The following ORC6 variants were observed in gnomAD, a reference collection of about 807,000 sequenced individuals.
ORC6 encodes the protein origin recognition complex subunit 6.
ORC6 carries 31 observed loss-of-function variants against 30.0 expected under a neutral mutation model. That is an observed-to-expected ratio of 1.03 (90% CI 0.78 to 1.40). The LOEUF (loss-of-function observed/expected upper bound fraction) is 1.40, where lower values mean the gene tolerates loss of function less well. ORC6 is among the 40% of genes most tolerant of loss of function. The probability of loss-of-function intolerance (pLI) is 0.00; values close to 1 mark genes in which losing one functional copy is unlikely to be tolerated. For missense variants in ORC6, 340 were observed against 304.3 expected, an observed-to-expected ratio of 1.12 and a Z score of -0.87; for synonymous variants, 136 against 111.2, an observed-to-expected ratio of 1.22 and a Z score of -1.40.
intron 3 of ORC6, 108 bp downstream of exon 3, chr16:46,692,653 T>C: frequency 1.1e-6 from 1 of 919,412 alleles, no homozygotes; most frequent in East Asian, 2.6e-5. Context: ...GTGGATCATG[T>C]GGTCAGGAGT....
intron 5 of ORC6, 45 bp downstream of exon 5, chr16:46,695,719 C>T: frequency 7.8e-7 from 1 of 1,285,584 alleles, no homozygotes; most frequent in Non-Finnish European, 1.1e-6. Context: ...AAAATGTAGT[C>T]CTTTTGCTTG....
intron 3 of ORC6, 53 bp downstream of exon 3, chr16:46,692,598 G>C (rs1966459053): frequency 1.3e-6 from 2 of 1,514,508 alleles, no homozygotes; most frequent in African/African-American, 1.4e-5. Flanking sequence ...GGCCGGGCGT[G>C]GTGGCTCACG....
Position 46,696,052 on chromosome 16 carries a change from A to G in ORC6, c.598A>G (p.Arg200Gly). 2.5e-6 allele frequency: 4 copies of G among 1,613,706 alleles called. No homozygotes were observed. The highest frequency in any genetic ancestry group is 3.4e-6 in the Non-Finnish European group (4 of 1,179,534). The change falls in exon 6 of 7, where the codon AGA becomes GGA. Residue 200 changes from arginine (R) to glycine (G), a missense_variant. Physicochemically the swap from Arg to Gly is moderately radical, Grantham distance 125. Transcript: ENST00000219097. The part of the protein sequence containing the change: ...PGDVATPPRK[R>G]KKIVVEAPAK... Reference sequence around the variant, plus strand: ...AGATGTAGCTACTCCACCACGGAAGAGAAAGAAGATAGTGGTTGAAGCCCC... The same window carrying G: ...AGATGTAGCTACTCCACCACGGAAGGGAAAGAAGATAGTGGTTGAAGCCCC...
chr16:46,692,280 T>C, intron 2 of ORC6, 102 bp from the exon 3 acceptor site: 1 of 1,011,850 alleles, frequency 9.9e-7, no homozygotes, highest in South Asian at 1.3e-5. Context: ...GCCACAAAAT[T>C]AATTTTGAAA....
In ORC6 at chr16:46,689,785, G is replaced by C. The variant is rs766015460; in HGVS notation, c.65+15G>C. 3 of 1,582,130 alleles carry C rather than the reference G, an allele frequency of 1.9e-6. No homozygotes were observed. Among genetic ancestry groups the C allele is most frequent in the Admixed American group, 1.8e-5 (1 of 55,894 alleles). On this transcript the variant is annotated intron_variant, in intron 1 of 6. Coordinates refer to ENST00000219097, the MANE Select transcript of ORC6 (RefSeq NM_014321.4). ...GACATGCTGAGGTGAGTTCGGCCGC[G>C]CAAGACCAGGGCTGGGCTTCCGCCT... is the stretch of plus-strand genomic sequence containing the variant.
rs1966546400 is a variant in ORC6 at position 46,698,330 on chromosome 16, A to G, written c.*745A>G. Reference sequence around the variant, plus strand: ...TTTTACTTCAATTTTTGTGTACGGTATTTTTTATTTGACTAAATCAATATA... The same window carrying G: ...TTTTACTTCAATTTTTGTGTACGGTGTTTTTTATTTGACTAAATCAATATA... On this transcript the variant is annotated 3_prime_UTR_variant, in exon 7 of 7. Coordinates refer to ENST00000219097, the MANE Select transcript of ORC6 (RefSeq NM_014321.4). 1 of 444,670 alleles carries G rather than the reference A, an allele frequency of 2.2e-6. No homozygotes were observed. The highest frequency in any genetic ancestry group is 2.4e-5 in the Admixed American group (1 of 41,114). The allele number at this position is 444,670 out of a possible 1,614,324, so 27.5% of individuals were successfully genotyped here. A position where few individuals can be genotyped will look rare whatever the true frequency, so the allele number is the denominator to read the frequency against.
intron 3 of ORC6, 39 bp from the exon 4 acceptor site, chr16:46,693,054 A>G (rs1277291858): frequency 7.5e-7 from 1 of 1,327,042 alleles, no homozygotes; most frequent in Non-Finnish European, 1.1e-6. Flanking sequence ...TTCAAATAAT[A>G]TTTTCTAACA....
Position 46,695,694 on chromosome 16 carries a change from A to C in ORC6, c.562+20A>C. The C allele has an allele frequency of 7.0e-7, 1 of 1,422,680 alleles. No homozygotes were observed. The allele number at this position is 1,422,680 out of a possible 1,614,324, so 88.1% of individuals were successfully genotyped here. On this transcript the variant is annotated intron_variant, in intron 5 of 6. Transcript: ENST00000219097. ...TCGACAGTAAGTATTCTGTAGTTCA[A>C]GAATGCGTCATTTGAAAATGTAGTC... is the stretch of plus-strand genomic sequence containing the variant.
At chr16:46,694,521 C>T (rs1357588560) in intron 4 of ORC6, 3 of 135,538 alleles carry the variant, frequency 2.2e-5, no homozygotes, top group East Asian at 2.4e-4. Context: ...CTGGACGGGG[C>T]GGCTGGCCGG....
rs1465248643 is a variant in ORC6 at position 46,690,976 on chromosome 16, TGCCCTTTTAACCAGGAAA to T, written c.66-12_71del. 1 of 1,614,128 alleles carries T rather than the reference TGCCCTTTTAACCAGGAAA, an allele frequency of 6.2e-7. No homozygotes were observed. Among genetic ancestry groups the T allele is most frequent in the Admixed American group, 1.7e-5 (1 of 60,028 alleles). ...TCTGAATAAGTTGTAGCGAACACACTGCCCTTTTAACCAGGAAAGCAGAGGAGTACTTGCGCCTGTCCC... is the reference window on the plus strand; with the variant it reads ...TCTGAATAAGTTGTAGCGAACACACTGCAGAGGAGTACTTGCGCCTGTCCC... On this transcript the variant is annotated splice_acceptor_variant and splice_polypyrimidine_tract_variant and coding_sequence_variant and intron_variant, in exon 2 of 7. Transcript: ENST00000219097. LOFTEE classifies it high-confidence loss of function.
chr16:46,692,590 C>T, intron 3 of ORC6, 45 bp downstream of exon 3: 1 of 1,558,484 alleles, frequency 6.4e-7, no homozygotes, highest in Non-Finnish European at 8.8e-7. Flanking sequence ...TACCAATAGG[C>T]CGGGCGTGGT....
chr16:46,696,198 A>T, intron 6 of ORC6, 113 bp downstream of exon 6: 1 of 753,522 alleles, frequency 1.3e-6, no homozygotes, highest in South Asian at 1.4e-5. Flanking sequence ...CTGACTGTGA[A>T]TCATTTGATA....
Position 46,695,656 on chromosome 16 carries a change from A to C in ORC6, c.544A>C (p.Ile182Leu). The change falls in exon 5 of 7, where the codon ATT becomes CTT. Residue 182 changes from isoleucine to leucine, a missense_variant. Coordinates refer to ENST00000219097, the MANE Select transcript of ORC6 (RefSeq NM_014321.4). The part of the protein sequence containing the change: ...FDRLCKQLEK[I>L]GQQVDREPGD... ...TCGACTGTGTAAACAACTAGAGAAG[A>C]TTGGACAGCAGGTCGACAGTAAGTA... 1 of 1,604,034 alleles carries C rather than the reference A, an allele frequency of 6.2e-7. No individual in the cohort carries two copies. The highest frequency in any genetic ancestry group is 8.5e-7 in the Non-Finnish European group (1 of 1,170,832).
In ORC6 at chr16:46,698,160, T is replaced by TATAGATAG. The variant is rs568119196; in HGVS notation, c.*590_*597dup. The TATAGATAG allele has an allele frequency of 5.4e-6, 2 of 368,880 alleles. No homozygotes were observed. Among genetic ancestry groups the TATAGATAG allele is most frequent in the Admixed American group, 2.8e-5 (1 of 35,946 alleles). The allele number at this position is 368,880 out of a possible 1,614,324, so 22.9% of individuals were successfully genotyped here. A position where few individuals can be genotyped will look rare whatever the true frequency, so the allele number is the denominator to read the frequency against. ...CCAGCCTGGGTGACAGAGCGAGACT[T>TATAGATAG]ATAGATAGATAGATAGATAGATGGA... On this transcript the variant is annotated 3_prime_UTR_variant, in exon 7 of 7. Transcript: ENST00000219097.
rs548351446 is a variant in ORC6, at chr16:46,693,386, A to G, written c.449+204A>G. 140 of 602,460 alleles carry G rather than the reference A, an allele frequency of 2.3e-4. 1 individual carries two copies. Among genetic ancestry groups the G allele is most frequent in the Middle Eastern group, 1.3e-3 (3 of 2,270 alleles). 37.3% of individuals were successfully genotyped at this position (602,460 alleles called of 1,614,324 possible). A position where few individuals can be genotyped will look rare whatever the true frequency, so the allele number is the denominator to read the frequency against. On this transcript the variant is annotated intron_variant, in intron 4 of 6. Transcript: ENST00000219097. Reference sequence around the variant, plus strand: ...TTGGAACTAGTGTTGCCAGAATTCCACTAGCAAATAGCAGCTGTATATATA... The same window carrying G: ...TTGGAACTAGTGTTGCCAGAATTCCGCTAGCAAATAGCAGCTGTATATATA...
intron 4 of ORC6, chr16:46,695,223 C>G: frequency 3.6e-6 from 1 of 276,336 alleles, no homozygotes; most frequent in Non-Finnish European, 7.0e-6. Flanking sequence ...ATATAAATAT[C>G]CTGTGAGTTA....
chr16:46,695,704 A>G (rs754970905), intron 5 of ORC6, 30 bp downstream of exon 5: 1 of 1,374,142 alleles, frequency 7.3e-7, no homozygotes, highest in Non-Finnish European at 1.0e-6. Context: ...AGAATGCGTC[A>G]TTTGAAAATG....
At position 46,693,105 on chromosome 16, in the gene ORC6, T is replaced by G; in HGVS notation, c.372T>G (p.Ser124Arg). Residue 124 changes from serine to arginine, a missense_variant, in exon 4 of 7, where the codon AGT (serine) becomes AGG (arginine). By Grantham distance (110) the Ser-to-Arg change is moderately radical. Coordinates refer to ENST00000219097, the MANE Select transcript of ORC6 (RefSeq NM_014321.4). ...ACTTCTCCTTTAGCTATGAGTCCAG[T>G]CTTCCCCAGACACAGCAAGTGGATC... ...ASKILKSYES[S>R]LPQTQQVDLD... is the part of the protein sequence containing the mutation. 6.2e-7 allele frequency: 1 copy of G among 1,608,836 alleles called. No individual in the cohort carries two copies. The highest frequency in any genetic ancestry group is 1.3e-5 in the African/African-American group (1 of 74,958).
Position 46,689,716 on chromosome 16 carries a change from A to G in ORC6, c.11A>G (p.Glu4Gly). Residue 4 changes from glutamate (E) to glycine (G), a missense_variant, in exon 1 of 7, where the codon GAG becomes GGG. Coordinates refer to ENST00000219097, the MANE Select transcript of ORC6 (RefSeq NM_014321.4). ...TTTAGTGCCGGCGCCATGGGGTCGGAGCTGATCGGGCGCCTAGCCCCGCGC... is the reference window on the plus strand; with the variant it reads ...TTTAGTGCCGGCGCCATGGGGTCGGGGCTGATCGGGCGCCTAGCCCCGCGC... MGSELIGRLAPRLG... is the reference protein window; with the variant it reads MGSGLIGRLAPRLG... The G allele has an allele frequency of 6.2e-7, 1 of 1,601,890 alleles. No homozygotes were observed. The highest frequency in any genetic ancestry group is 8.5e-7 in the Non-Finnish European group (1 of 1,174,424).
Sources: allele counts gnomAD v4.1 joint callset, GRCh38; gene constraint gnomAD v4.1.1; transcripts MANE v1.5; gene names NCBI Gene and HGNC (gene_info 2026-07-23, HGNC 2026-07-21).